Variants in KCNQ1 observed in about 807,000 individuals in gnomAD.
KCNQ1 encodes the protein potassium voltage-gated channel subfamily KQT member 1.
Under a neutral mutation model 72.4 loss-of-function variants are expected in KCNQ1, and 49 were observed. The ratio of observed to expected loss-of-function variants is 0.68; its 90% CI spans 0.54 to 0.86. The LOEUF (loss-of-function observed/expected upper bound fraction) is 0.86, where lower values mean the gene tolerates loss of function less well. KCNQ1 is among the 40% of genes least tolerant of loss of function. The probability of loss-of-function intolerance (pLI) is 0.00; values close to 1 mark genes in which losing one functional copy is unlikely to be tolerated. For synonymous variants in KCNQ1, 450 were observed against 412.6 expected, an observed-to-expected ratio of 1.09 and a Z score of -1.10; for missense variants, 790 against 945.1, an observed-to-expected ratio of 0.84 and a Z score of 2.15.
intron 10 of KCNQ1, chr11:2,632,244 T>C: frequency 2.5e-6 from 1 of 397,930 alleles, no homozygotes. Context: ...ACTATCCTGC[T>C]ACTTTGCTGA....
At chr11:2,840,029 C>G (rs1848170740) in intron 15 of KCNQ1, 1 of 152,176 alleles carries the variant, frequency 6.6e-6, no homozygotes, top group Non-Finnish European at 1.5e-5. Flanking sequence ...GGGCACCGAC[C>G]CCCGAACTGC....
Position 2,461,475 on chromosome 11 carries a change from T to G in KCNQ1, c.386+15991T>G. 3.1e-6 allele frequency: 4 copies of G among 1,291,440 alleles called. No individual in the cohort carries two copies. The South Asian group carries it at 4.9e-5, about 16-fold the overall frequency. 80.0% of individuals were successfully genotyped at this position (1,291,440 alleles called of 1,614,324 possible). A position where few individuals can be genotyped will look rare whatever the true frequency, so the allele number is the denominator to read the frequency against. The stretch of plus-strand genomic sequence containing the variant: ...CCCTGCAGCTTCCATGGCCTGGGGC[T>G]GTGAGAGGCCCGGGAAGGCACTGTC... On this transcript the variant is annotated intron_variant, in intron 1 of 15. Coordinates refer to ENST00000155840, the MANE Select transcript of KCNQ1 (RefSeq NM_000218.3).
intron 15 of KCNQ1, among the ~76,000 whole-genome samples, chr11:2,845,237 G>A (rs965103225): frequency 7.6e-5 from 11 of 145,102 alleles, no homozygotes; most frequent in African/African-American, 2.5e-4. Context: ...TGCTTTCGCC[G>A]GCTCCCTACC....
Position 2,445,182 on chromosome 11 carries a change from G to A in KCNQ1, c.84G>A (p.Ala28=). The part of the protein sequence containing the change: ...GRLPGARRGS[A]GLAKKCPFSL... ...TGCCAGGCGCCCGGCGGGGCAGCGCGGGCCTGGCCAAGAAGTGCCCCTTCT... is the reference window on the plus strand; with the variant it reads ...TGCCAGGCGCCCGGCGGGGCAGCGCAGGCCTGGCCAAGAAGTGCCCCTTCT... Residue 28 remains alanine (A), a synonymous_variant, in exon 1 of 16, where the codon GCG becomes GCA. Transcript: ENST00000155840. 2 of 1,141,494 alleles carry A rather than the reference G, an allele frequency of 1.8e-6. No individual in the cohort carries two copies. Among genetic ancestry groups the A allele is most frequent in the Non-Finnish European group, 2.2e-6 (2 of 926,084 alleles). 70.7% of individuals were successfully genotyped at this position (1,141,494 alleles called of 1,614,324 possible).
chr11:2,829,412 T>C (rs1847899398), intron 15 of KCNQ1, among the ~76,000 whole-genome samples: 1 of 152,158 alleles, frequency 6.6e-6, no homozygotes, highest in African/African-American at 2.4e-5. Flanking sequence ...TAGTGACAGA[T>C]GCAGTAAAAA....
chr11:2,697,465 T>C, intron 11 of KCNQ1: 1 of 398,604 alleles, frequency 2.5e-6, no homozygotes, highest in South Asian at 1.3e-4. Flanking sequence ...TTTTAATTTC[T>C]CTATCAAGTT....
At chr11:2,454,025 C>A (rs1270591097) in intron 1 of KCNQ1, among the ~76,000 whole-genome samples, 1 of 152,220 alleles carries the variant, frequency 6.6e-6, no homozygotes, top group South Asian at 2.1e-4. Flanking sequence ...CCACCTCAGC[C>A]TCCCAAAGTG....
In KCNQ1 at chr11:2,627,317, T is replaced by C. The variant is rs981221057; in HGVS notation, c.1394-34644T>C. On this transcript the variant is annotated intron_variant, in intron 10 of 15. Transcript: ENST00000155840. This position sits in a 1 kb window ranked among gnomAD's most constrained non-coding sequence, Gnocchi z 4.9. ...TAGTTGCCATGTGTGTGCGTGTGTG[T>C]GGTCAGAATACCTAAGCTATACTCT... 5.3e-5 allele frequency: 21 copies of C among 398,468 alleles called. No homozygotes were observed. Among genetic ancestry groups the C allele is most frequent in the African/African-American group, 3.9e-4 (19 of 48,626 alleles). The allele number at this position is 398,468 out of a possible 1,614,324, so 24.7% of individuals were successfully genotyped here. A position where few individuals can be genotyped will look rare whatever the true frequency, so the allele number is the denominator to read the frequency against.
At chr11:2,777,859 A>G in intron 14 of KCNQ1, 117 bp from the exon 15 acceptor site, 1 of 819,232 alleles carries the variant, frequency 1.2e-6, no homozygotes, top group South Asian at 1.4e-5. Flanking sequence ...TAGTAGGTTT[A>G]GGCATTTTGA....
At chr11:2,503,691 A>G (rs978194339) in intron 1 of KCNQ1, among the ~76,000 whole-genome samples, 1 of 152,120 alleles carries the variant, frequency 6.6e-6, no homozygotes, top group Non-Finnish European at 1.5e-5. Flanking sequence ...AAAGTATAAT[A>G]ATAATAAAAA....
In KCNQ1 at chr11:2,673,618, C is replaced by T; in HGVS notation, c.1514+11537C>T. The T allele has an allele frequency of 2.5e-6, 1 of 398,780 alleles. No homozygotes were observed. The highest frequency in any genetic ancestry group is 3.6e-5 in the East Asian group (1 of 28,082). 24.7% of individuals were successfully genotyped at this position (398,780 alleles called of 1,614,324 possible). A position where few individuals can be genotyped will look rare whatever the true frequency, so the allele number is the denominator to read the frequency against. ...AGAAGCTAAACGTGACCAGCCTACCCACCTTGCTACTGCTGATGACCACCC... is the reference window on the plus strand; with the variant it reads ...AGAAGCTAAACGTGACCAGCCTACCTACCTTGCTACTGCTGATGACCACCC... On this transcript the variant is annotated intron_variant, in intron 11 of 15. Transcript: ENST00000155840. This position sits in a 1 kb window ranked among gnomAD's most constrained non-coding sequence, Gnocchi z 4.5.
At chr11:2,575,893 C>A (rs2133738310) in intron 6 of KCNQ1, among the ~76,000 whole-genome samples, 1 of 152,322 alleles carries the variant, frequency 6.6e-6, no homozygotes, top group Admixed American at 6.5e-5. Context: ...GAGGCCAGAG[C>A]CCGAAGCGAG....
rs769788538 is a variant in KCNQ1 at position 2,528,006 on chromosome 11, T to G, written c.465T>G (p.Thr155=). 6.2e-7 allele frequency: 1 copy of G among 1,613,160 alleles called. No homozygotes were observed. Among genetic ancestry groups the G allele is most frequent in the African/African-American group, 1.3e-5 (1 of 74,900 alleles). Reference sequence around the variant, plus strand: ...AGTATGCCGCCCTGGCCACGGGGACTCTCTTCTGGATGGTACGTAGCATCT... The same window carrying G: ...AGTATGCCGCCCTGGCCACGGGGACGCTCTTCTGGATGGTACGTAGCATCT... ...IEQYAALATG[T]LFWMEIVLVV... is the part of the protein sequence containing the mutation. The change falls in exon 2 of 16, where the codon ACT becomes ACG. Residue 155 remains threonine, a synonymous_variant. Transcript: ENST00000155840.
At chr11:2,472,946 G>C (rs949034918) in intron 1 of KCNQ1, among the ~76,000 whole-genome samples, 1 of 152,050 alleles carries the variant, frequency 6.6e-6, no homozygotes, top group South Asian at 2.1e-4. Context: ...GCACCGAGAT[G>C]GGCATGAGCA....
At chr11:2,561,302 G>A (rs918728882) in intron 2 of KCNQ1, among the ~76,000 whole-genome samples, 1 of 152,186 alleles carries the variant, frequency 6.6e-6, no homozygotes. Context: ...GACGTGGAGG[G>A]CCCCAGGCAG....
intron 10 of KCNQ1, chr11:2,633,336 T>C (rs74851248): frequency 0.04 from 16,038 of 398,508 alleles, 464 homozygotes; most frequent in Non-Finnish European, 0.054. Context: ...TATCTCTTAA[T>C]AGTTTATTAT....
rs1158944409 is a variant in KCNQ1, at chr11:2,468,266, C to G, written c.386+22782C>G. Reference sequence around the variant, plus strand: ...GGCTCAAGAGATCCTCCCGCCTCAGCCTCCTGAGTAGCTGGGACTACAGAT... The same window carrying G: ...GGCTCAAGAGATCCTCCCGCCTCAGGCTCCTGAGTAGCTGGGACTACAGAT... On this transcript the variant is annotated intron_variant, in intron 1 of 15. Transcript: ENST00000155840. The surrounding 1 kb of genome is among the most constrained non-coding windows in gnomAD (Gnocchi z 5.7). 6.6e-6 allele frequency among the ~76,000 whole-genome samples: 1 copy of G among 152,172 alleles called. No individual in the cohort carries two copies.
chr11:2,692,680 G>C (rs1850607928), intron 11 of KCNQ1: 5 of 398,598 alleles, frequency 1.3e-5, no homozygotes, highest in Non-Finnish European at 2.2e-5. Flanking sequence ...ACATTAGTTA[G>C]TCTTTCTCCC....
intron 2 of KCNQ1, 22 bp downstream of exon 2, chr11:2,528,040 G>C (rs367609110): frequency 8.9e-5 from 142 of 1,588,906 alleles, no homozygotes; most frequent in Non-Finnish European, 1.2e-4. Flanking sequence ...CTGAGGGCAT[G>C]GCTGGATGTC....
Sources: allele counts gnomAD v4.1 joint callset (sites outside exome capture counted in the v4.1 genomes callset), GRCh38; gene constraint gnomAD v4.1.1; non-coding constraint Gnocchi (gnomAD v3.1); transcripts MANE v1.5; gene names NCBI Gene and HGNC (gene_info 2026-07-23, HGNC 2026-07-21).